RASSF6: variants seen among roughly 807,000 people sequenced by gnomAD.
RASSF6 encodes the protein Ras association domain family member 6, also known as ras association domain-containing protein 6.
A neutral mutation model predicts 44.0 loss-of-function variants in RASSF6; 52 were observed. That is an observed-to-expected ratio of 1.18 (90% CI 0.95 to 1.49). The LOEUF is 1.49. Ranked by LOEUF, RASSF6 falls within the 40% of genes most tolerant of loss-of-function variation. The pLI, the probability that RASSF6 is intolerant of heterozygous loss-of-function variation, is 0.00. For missense variants in RASSF6, 464 were observed against 393.3 expected (o/e 1.18, Z -1.52); for synonymous variants, 162 against 124.6 (o/e 1.30, Z -2.00).
At chr4:73,618,323 A>ATCTATCTATCTATCTATCTATCTG (rs1553906728) in intron 1 of RASSF6, among the ~76,000 whole-genome samples, 3 of 152,142 alleles carry the variant, frequency 2.0e-5, no homozygotes, top group South Asian at 2.1e-4. Flanking sequence ...CTATCTATCT[A>ATCTATCTATCTATCTATCTATCTG]AACAGATTTT....
chr4:73,578,856 C>T (rs1723420873), intron 8 of RASSF6, among the ~76,000 whole-genome samples: 1 of 152,028 alleles, frequency 6.6e-6, no homozygotes, highest in South Asian at 2.1e-4. Flanking sequence ...AAATGATCCG[C>T]CCACCTCGGC....
At position 73,593,552 on chromosome 4, in the gene RASSF6, A is replaced by C; in HGVS notation, c.186T>G (p.Ile62Met). ...GKLIVEGMLD[I>M]FWGVKRPIQL... ...GTATAGGTCGTTTTACTCCCCAGAA[A>C]ATGTCCAGCATTCCTTCAACAATTA... Residue 62 changes from isoleucine to methionine, a missense_variant, in exon 4 of 11, where the codon ATT (isoleucine) becomes ATG (methionine). Transcript: ENST00000307439. 1 of 1,613,756 alleles carries C rather than the reference A, an allele frequency of 6.2e-7. No homozygotes were observed. Among genetic ancestry groups the C allele is most frequent in the Non-Finnish European group, 8.5e-7 (1 of 1,179,850 alleles).
chr4:73,604,199 C>T (rs949129255), intron 2 of RASSF6: 1 of 152,114 alleles, frequency 6.6e-6, no homozygotes, highest in African/African-American at 2.4e-5. Context: ...TTAGTGACAA[C>T]AACATTAAGA....
chr4:73,603,678 G>A (rs1278681993), intron 2 of RASSF6, among the ~76,000 whole-genome samples: 6 of 152,214 alleles, frequency 3.9e-5, no homozygotes, highest in African/African-American at 1.4e-4. Flanking sequence ...AATGTACTTA[G>A]CATGAAATGA....
At chr4:73,583,060 A>C (rs892369892) in intron 6 of RASSF6, among the ~76,000 whole-genome samples, 1 of 152,150 alleles carries the variant, frequency 6.6e-6, no homozygotes, top group Admixed American at 6.6e-5. Context: ...TAAGGTGAAT[A>C]TGATATGTTG....
chr4:73,617,476 C>A (rs1209302819), intron 1 of RASSF6, among the ~76,000 whole-genome samples: 1 of 152,092 alleles, frequency 6.6e-6, no homozygotes, highest in Non-Finnish European at 1.5e-5. Flanking sequence ...TGGTGGAACT[C>A]AAAAATTTTC....
chr4:73,582,094 C>T (rs1723699189), intron 7 of RASSF6, 95 bp downstream of exon 7: 10 of 695,722 alleles, frequency 1.4e-5, no homozygotes, highest in Non-Finnish European at 2.4e-5. Context: ...TTTAGATTTA[C>T]ACCTTTATAG....
At chr4:73,602,278 T>A (rs1046066227) in intron 2 of RASSF6, among the ~76,000 whole-genome samples, 1 of 152,174 alleles carries the variant, frequency 6.6e-6, no homozygotes, top group Non-Finnish European at 1.5e-5. Flanking sequence ...CTAGGTAGAA[T>A]GTGAAAGATA....
intron 6 of RASSF6, among the ~76,000 whole-genome samples, chr4:73,584,945 A>G (rs1180348666): frequency 6.6e-6 from 1 of 152,120 alleles, no homozygotes; most frequent in Admixed American, 6.6e-5. Context: ...TGTCAAGTAA[A>G]GAAAATAATG....
At chr4:73,578,029 T>TTTTCTTTATTTCTCGTCCCTAAAGG (rs148066158) in intron 8 of RASSF6, among the ~76,000 whole-genome samples, 5 of 152,026 alleles carry the variant, frequency 3.3e-5, no homozygotes, top group African/African-American at 1.2e-4. Flanking sequence ...TGCTCTCTTC[T>TTTTCTTTATTTCTCGTCCCTAAAGG]GACCTAGTTA....
At chr4:73,597,506 C>T (rs773956291) in intron 3 of RASSF6, among the ~76,000 whole-genome samples, 7 of 152,062 alleles carry the variant, frequency 4.6e-5, no homozygotes, top group African/African-American at 7.2e-5. Context: ...GAAAAAGGAA[C>T]CCTTATACAC....
intron 6 of RASSF6, among the ~76,000 whole-genome samples, chr4:73,583,048 G>A (rs567492592): frequency 6.6e-6 from 1 of 152,002 alleles, no homozygotes; most frequent in Non-Finnish European, 1.5e-5. Flanking sequence ...TTCATCCTGC[G>A]CTAAGGTGAA....
chr4:73,612,685 A>G (rs10009599), intron 1 of RASSF6, among the ~76,000 whole-genome samples: 24,460 of 152,036 alleles, frequency 0.16, 2,399 homozygotes, highest in Non-Finnish European at 0.22. Context: ...ATTTTTCTTT[A>G]TAGCATGTTG....
chr4:73,603,474 G>C (rs113331317), intron 2 of RASSF6, among the ~76,000 whole-genome samples: 13 of 152,134 alleles, frequency 8.5e-5, no homozygotes, highest in Admixed American at 2.6e-4. Context: ...TGACCTTGGT[G>C]GGGGGCAGGT....
In RASSF6 at chr4:73,573,204, GCA is replaced by G. The variant is rs1483065266; in HGVS notation, c.*3029_*3030del. The G allele has an allele frequency of 2.0e-5, 3 of 151,364 alleles. No homozygotes were observed. The highest frequency in any genetic ancestry group is 7.3e-5 in the African/African-American group (3 of 41,092). 9.4% of individuals were successfully genotyped at this position (151,364 alleles called of 1,614,324 possible). On this transcript the variant is annotated 3_prime_UTR_variant, in exon 11 of 11. Coordinates refer to ENST00000307439, the MANE Select transcript of RASSF6 (RefSeq NM_177532.5). ...GAGCAGTGGCGCCATCTCGGCTCAT[GCA>G]ACCTCCGCCTCCCGGGTTCAAGCGA...
At position 73,572,707 on chromosome 4, in the gene RASSF6, G is replaced by A. The variant is rs1722979615; in HGVS notation, c.*3528C>T. 1 of 152,162 alleles carries A rather than the reference G, an allele frequency of 6.6e-6. No homozygotes were observed. Among genetic ancestry groups the A allele is most frequent in the African/African-American group, 2.4e-5 (1 of 41,526 alleles). The allele number at this position is 152,162 out of a possible 1,614,324, so 9.4% of individuals were successfully genotyped here. ...ATTGATTTGAAATTTTTTGCATTTG[G>A]TAGAACTCTGTGCTTGCATGTGCTT... On this transcript the variant is annotated 3_prime_UTR_variant, in exon 11 of 11. Coordinates refer to ENST00000307439, the MANE Select transcript of RASSF6 (RefSeq NM_177532.5).
intron 3 of RASSF6, among the ~76,000 whole-genome samples, chr4:73,597,349 A>G (rs978728746): frequency 6.6e-6 from 1 of 152,210 alleles, no homozygotes. Context: ...TAAGACATAC[A>G]TGTGGCCAGC....
rs541201090 is a variant in RASSF6, at chr4:73,579,018, C to CAT, written c.722-2289_722-2288dup. 1.5e-3 allele frequency among the ~76,000 whole-genome samples: 228 copies of CAT among 152,178 alleles called. 1 individual carries two copies. The highest frequency in any genetic ancestry group is 5.3e-3 in the African/African-American group (220 of 41,506). On this transcript the variant is annotated intron_variant, in intron 8 of 10. Coordinates refer to ENST00000307439, the MANE Select transcript of RASSF6 (RefSeq NM_177532.5). The stretch of plus-strand genomic sequence containing the variant: ...ATACCTTTCTCCCTAGTCATAAGAC[C>CAT]ATATATACCACATACTTAAATGGGA...
At chr4:73,611,421 G>C (rs1726005145) in intron 2 of RASSF6, among the ~76,000 whole-genome samples, 1 of 152,062 alleles carries the variant, frequency 6.6e-6, no homozygotes, top group Non-Finnish European at 1.5e-5. Context: ...TAATTCTTTA[G>C]AACTATCATT....
Sources: gnomAD v4.1 joint callset for allele counts (sites outside exome capture counted in the v4.1 genomes callset) on GRCh38, gnomAD v4.1.1 for gene constraint, MANE v1.5 for transcripts, NCBI Gene and HGNC (gene_info 2026-07-23, HGNC 2026-07-21) for gene names.